MALRD1: variants seen among roughly 807,000 people sequenced by gnomAD.
MALRD1 encodes MAM and LDL receptor class A domain containing 1.
MALRD1 carries 247 observed loss-of-function variants against 242.1 expected under a neutral mutation model. The observed-to-expected ratio is 1.02, with a 90% CI of 0.92 to 1.13. The LOEUF (loss-of-function observed/expected upper bound fraction) is 1.13, where lower values mean the gene tolerates loss of function less well. Among genes scored for constraint, MALRD1 ranks in the 50% most tolerant of loss-of-function variants. The pLI, the probability that MALRD1 is intolerant of heterozygous loss-of-function variation, is 0.00. For missense variants in MALRD1, 2,989 were observed against 2,533.1 expected (o/e 1.18, Z -3.86); for synonymous variants, 995 against 866.6 (o/e 1.15, Z -2.60).
chr10:19,535,449 T>G (rs1000851798), intron 32 of MALRD1, among the ~76,000 whole-genome samples: 9 of 151,206 alleles, frequency 6.0e-5, no homozygotes, highest in African/African-American at 1.9e-4. Context: ...GCTATAGATA[T>G]TTCCCTCATA....
chr10:19,600,172 ATATTTTTAC>A (rs1838285666), intron 34 of MALRD1, among the ~76,000 whole-genome samples: 1 of 152,138 alleles, frequency 6.6e-6, no homozygotes, highest in South Asian at 2.1e-4. Context: ...CTTATCATCA[ATATTTTTAC>A]TATTGGCCTT....
chr10:19,559,881 A>G (rs1462646839), intron 32 of MALRD1, among the ~76,000 whole-genome samples: 1 of 152,212 alleles, frequency 6.6e-6, no homozygotes, highest in African/African-American at 2.4e-5. Context: ...CAACAAACAT[A>G]TGAAAAAAAG....
chr10:19,533,876 G>T (rs570909123), intron 32 of MALRD1, among the ~76,000 whole-genome samples: 3 of 152,190 alleles, frequency 2.0e-5, no homozygotes, highest in African/African-American at 2.4e-5. Flanking sequence ...CTTTTACCAC[G>T]TCCGTGGGTG....
chr10:19,717,368 G>A (rs1834439242), intron 38 of MALRD1, among the ~76,000 whole-genome samples: 1 of 152,120 alleles, frequency 6.6e-6, no homozygotes, highest in Admixed American at 6.6e-5. Context: ...GTCATTTTGA[G>A]GTATAACTGA....
intron 17 of MALRD1, among the ~76,000 whole-genome samples, chr10:19,206,057 A>C (rs545698740): frequency 6.7e-6 from 1 of 149,908 alleles, no homozygotes; most frequent in South Asian, 2.1e-4. Flanking sequence ...AATTATTTAT[A>C]TTTTATATAT....
At chr10:19,546,112 T>C (rs1835196767) in intron 32 of MALRD1, among the ~76,000 whole-genome samples, 1 of 152,206 alleles carries the variant, frequency 6.6e-6, no homozygotes, top group Admixed American at 6.5e-5. Context: ...GTCTCTGTTT[T>C]ACAGTTTTTC....
At chr10:19,313,118 A>T (rs1842500319) in intron 21 of MALRD1, among the ~76,000 whole-genome samples, 1 of 151,438 alleles carries the variant, frequency 6.6e-6, no homozygotes, top group Non-Finnish European at 1.5e-5. Context: ...CACTAAGAGA[A>T]CATGTGGTTT....
chr10:19,373,724 A>G (rs929187762), intron 26 of MALRD1, among the ~76,000 whole-genome samples: 1 of 152,208 alleles, frequency 6.6e-6, no homozygotes, highest in Non-Finnish European at 1.5e-5. Context: ...CCTTGAATCC[A>G]TAGGCAAGAC....
chr10:19,134,042 CA>C (rs1286818388), intron 9 of MALRD1, 94 bp downstream of exon 9: 2 of 508,622 alleles, frequency 3.9e-6, no homozygotes, highest in African/African-American at 4.0e-5. Flanking sequence ...GTTAAATTAG[CA>C]GTTAAGTTAG....
chr10:19,281,970 A>AG (rs1261863647), intron 20 of MALRD1, among the ~76,000 whole-genome samples: 1 of 150,410 alleles, frequency 6.6e-6, no homozygotes, highest in Non-Finnish European at 1.5e-5. Flanking sequence ...CTCCAAAAAA[A>AG]AAAAAAAAAA....
intron 5 of MALRD1, among the ~76,000 whole-genome samples, chr10:19,111,419 A>G (rs756438997): frequency 1.3e-5 from 2 of 152,340 alleles, no homozygotes; most frequent in African/African-American, 4.8e-5. Context: ...AGACTCATTT[A>G]TTGTCTGAGC....
chr10:19,631,354 A>T (rs1007640514), intron 36 of MALRD1, among the ~76,000 whole-genome samples: 1 of 152,166 alleles, frequency 6.6e-6, no homozygotes, highest in African/African-American at 2.4e-5. Flanking sequence ...ATAGTATTTC[A>T]TGATGTATAT....
intron 36 of MALRD1, among the ~76,000 whole-genome samples, chr10:19,655,066 T>G (rs955205209): frequency 6.6e-6 from 1 of 152,200 alleles, no homozygotes; most frequent in Non-Finnish European, 1.5e-5. Flanking sequence ...TGCCCTGTTC[T>G]ATGGAATAAG....
In MALRD1 at chr10:19,567,579, T is replaced by A. The variant is rs966289968; in HGVS notation, c.5556T>A (p.Tyr1852Ter). 3 of 1,550,560 alleles carry A rather than the reference T, an allele frequency of 1.9e-6. No individual in the cohort carries two copies. The highest frequency in any genetic ancestry group is 2.6e-6 in the Non-Finnish European group (3 of 1,146,948). Residue 1852 changes from tyrosine to a stop codon, truncating the protein, a stop_gained, in exon 33 of 40, where the codon TAT becomes TAA. Coordinates refer to ENST00000454679, the MANE Select transcript of MALRD1 (RefSeq NM_001142308.3). LOFTEE classifies it high-confidence loss of function. ...GAAATAAAAGAACGGGATGGACATA[T>A]GGCTCTGTGCCTCTCTCCAGTAACA... The part of the protein sequence containing the change: ...VIGNKRTGWT[Y>*]GSVPLSSNSP...
At chr10:19,464,948 ATTTTTTTT>A (rs60320410) in intron 29 of MALRD1, among the ~76,000 whole-genome samples, 2 of 133,762 alleles carry the variant, frequency 1.5e-5, no homozygotes, top group African/African-American at 2.9e-5. Context: ...TATAATTCCA[ATTTTTTTT>A]TTTTTTTTTT....
chr10:19,731,581 C>T (rs558838394), intron 39 of MALRD1, among the ~76,000 whole-genome samples: 70 of 152,124 alleles, frequency 4.6e-4, no homozygotes, highest in Non-Finnish European at 8.5e-4. Flanking sequence ...ATTATAGTCA[C>T]ATGCTATACA....
intron 36 of MALRD1, among the ~76,000 whole-genome samples, chr10:19,667,768 A>T (rs1841738632): frequency 6.6e-6 from 1 of 152,168 alleles, no homozygotes; most frequent in African/African-American, 2.4e-5. Flanking sequence ...CTGTGAGCCA[A>T]TCAAACCTCC....
chr10:19,687,462 T>C (rs1196213103), intron 36 of MALRD1, among the ~76,000 whole-genome samples: 2 of 152,154 alleles, frequency 1.3e-5, no homozygotes, highest in East Asian at 1.9e-4. Context: ...CAGCTGTGCC[T>C]AAAATATCCC....
At chr10:19,651,672 G>A (rs536776894) in intron 36 of MALRD1, among the ~76,000 whole-genome samples, 45 of 152,246 alleles carry the variant, frequency 3.0e-4, no homozygotes, top group African/African-American at 1.0e-3. Context: ...AATATAATGG[G>A]AGAGACAGAT....
Sources: allele counts gnomAD v4.1 joint callset (sites outside exome capture counted in the v4.1 genomes callset), GRCh38; gene constraint gnomAD v4.1.1; transcripts MANE v1.5; gene names NCBI Gene and HGNC (gene_info 2026-07-23, HGNC 2026-07-21).